Variants in USP6 observed in about 807,000 individuals in gnomAD.
USP6 encodes ubiquitin carboxyl-terminal hydrolase 6.
USP6 carries 128 observed loss-of-function variants against 175.7 expected under a neutral mutation model. The observed-to-expected ratio is 0.73, with a 90% CI of 0.63 to 0.84. The LOEUF is 0.84. Among genes scored for constraint, USP6 ranks in the 40% least tolerant of loss-of-function variants. The probability of loss-of-function intolerance (pLI) is 0.00; values close to 1 mark genes in which losing one functional copy is unlikely to be tolerated. For missense variants in USP6, 1,498 were observed against 1,760.3 expected, an observed-to-expected ratio of 0.85 and a Z score of 2.67; for synonymous variants, 562 against 630.6, an observed-to-expected ratio of 0.89 and a Z score of 1.63.
At position 5,157,644 on chromosome 17, in the gene USP6, G is replaced by A. The variant is rs115986223; in HGVS notation, c.2828+2038G>A. Among the ~76,000 whole-genome samples, 1,124 of 151,918 alleles carry A rather than the reference G, an allele frequency of 7.4e-3. 20 individuals carry two copies. The highest frequency in any genetic ancestry group is 0.025 in the African/African-American group (1,039 of 41,452). Reference sequence around the variant, plus strand: ...GGCTGACTTCTTTTTTCTGGTTGGCGGGGGGCGGGATGGAGTCTTGCTCTG... The same window carrying A: ...GGCTGACTTCTTTTTTCTGGTTGGCAGGGGGCGGGATGGAGTCTTGCTCTG... On this transcript the variant is annotated intron_variant, in intron 31 of 37. Transcript: ENST00000574788.
At chr17:5,166,657 G>A (rs931431565) in intron 33 of USP6, among the ~76,000 whole-genome samples, 18 of 152,150 alleles carry the variant, frequency 1.2e-4, no homozygotes, top group Admixed American at 6.5e-5. Context: ...CTTAACGGTA[G>A]CATTCATAAC....
Position 5,130,341 on chromosome 17 carries a change from A to G in USP6, c.-1-26A>G, listed in dbSNP as rs772620854. The G allele has an allele frequency of 3.7e-6, 6 of 1,613,396 alleles. No individual in the cohort carries two copies. The Admixed American group carries it at 1.0e-4, about 27-fold the overall frequency. ...TCTCCGAAGCTGTCGGGTACAGTGT[A>G]ACCTTTAGACAATTTTGTCTCACAG... On this transcript the variant is annotated intron_variant, in intron 9 of 37. Transcript: ENST00000574788.
chr17:5,121,344 T>C (rs778124247), intron 3 of USP6, 31 bp from the exon 4 acceptor site: 10 of 343,668 alleles, frequency 2.9e-5, no homozygotes, highest in Non-Finnish European at 5.7e-5. Flanking sequence ...GAAAATCTCC[T>C]GAAACCCCTG....
intron 35 of USP6, 69 bp downstream of exon 35, chr17:5,169,124 T>A: frequency 6.8e-7 from 1 of 1,472,664 alleles, no homozygotes; most frequent in East Asian, 2.4e-5. Context: ...TTCTCTGTCT[T>A]CTGTTCTGGA....
chr17:5,122,881 G>A (rs1212819226), intron 4 of USP6: 1 of 152,336 alleles, frequency 6.6e-6, no homozygotes. Flanking sequence ...GGAAGAACGC[G>A]ACGACGCGAG....
intron 16 of USP6, 81 bp downstream of exon 16, chr17:5,135,363 T>G (rs1227055244): frequency 1.9e-6 from 3 of 1,547,540 alleles, no homozygotes; most frequent in African/African-American, 2.7e-5. Context: ...TGTCGTTGCT[T>G]CTTTTAAAGT....
At chr17:5,134,227 A>G (rs1168252058) in intron 15 of USP6, 3 of 543,400 alleles carry the variant, frequency 5.5e-6, no homozygotes, top group Non-Finnish European at 1.0e-5. Context: ...GGAGACAGAA[A>G]ACAGCAAAGA....
At position 5,116,333 on chromosome 17, in the gene USP6, C is replaced by T. The variant is rs548037104; in HGVS notation, c.-2335C>T. On this transcript the variant is annotated 5_prime_UTR_variant, in exon 1 of 38. Coordinates refer to ENST00000574788, the MANE Select transcript of USP6 (RefSeq NM_001304284.2). ...GCTCCCGGCGGCCCGCCTCACCACT[C>T]CCGGCTTCCCGGGGCTTAGGCCCGC... 5.2e-5 allele frequency: 8 copies of T among 153,174 alleles called. No homozygotes were observed. The highest frequency in any genetic ancestry group is 1.7e-4 in the African/African-American group (7 of 41,606). The allele number at this position is 153,174 out of a possible 1,614,324, so 9.5% of individuals were successfully genotyped here. A position where few individuals can be genotyped will look rare whatever the true frequency, so the allele number is the denominator to read the frequency against.
At chr17:5,147,573 C>T (rs1283867922) in intron 29 of USP6, among the ~76,000 whole-genome samples, 1 of 152,140 alleles carries the variant, frequency 6.6e-6, no homozygotes, top group Non-Finnish European at 1.5e-5. Context: ...AGTCTTTTAG[C>T]CACTAGTATG....
At position 5,133,036 on chromosome 17, in the gene USP6, CAG is replaced by C. The variant is rs556417303; in HGVS notation, c.276+47_276+48del. On this transcript the variant is annotated intron_variant, in intron 13 of 37. Transcript: ENST00000574788. ...CCCCTGGAAGCACTCTCTGCAGAAA[CAG>C]GGGACAGGCACCCATGGCTGTGGCC... The C allele has an allele frequency of 3.2e-4, 515 of 1,600,246 alleles. 2 individuals carry two copies. In the African/African-American group the frequency reaches 5.3e-3, roughly 16 times the overall value.
At position 5,142,645 on chromosome 17, in the gene USP6, CT is replaced by C. The variant is rs2073482190; in HGVS notation, c.1818+147del. ...CTTGGTATAAACAAGAGGCCAAATT[CT>C]TTTGCTTGTTTAAATATTTGCAAAA... On this transcript the variant is annotated intron_variant, in intron 25 of 37. Coordinates refer to ENST00000574788, the MANE Select transcript of USP6 (RefSeq NM_001304284.2). The C allele has an allele frequency of 5.4e-5, 72 of 1,339,808 alleles. No homozygotes were observed. In the South Asian group the frequency reaches 1.0e-3, roughly 19 times the overall value. 83.0% of individuals were successfully genotyped at this position (1,339,808 alleles called of 1,614,324 possible). A position where few individuals can be genotyped will look rare whatever the true frequency, so the allele number is the denominator to read the frequency against.
At chr17:5,121,993 G>A (rs1334598854) in intron 4 of USP6, among the ~76,000 whole-genome samples, 2 of 152,094 alleles carry the variant, frequency 1.3e-5, no homozygotes, top group East Asian at 1.9e-4. Flanking sequence ...GAGCTGAAGA[G>A]GGGAATGAAC....
At chr17:5,147,288 T>C in intron 29 of USP6, 94 bp downstream of exon 29, 1 of 1,341,854 alleles carries the variant, frequency 7.5e-7, no homozygotes, top group Non-Finnish European at 1.0e-6. Flanking sequence ...GCTGAGGATG[T>C]TATAGCAGAA....
At chr17:5,121,300 A>C in intron 3 of USP6, 75 bp from the exon 4 acceptor site, 1 of 354,080 alleles carries the variant, frequency 2.8e-6, no homozygotes, top group South Asian at 2.2e-5. Context: ...GGGCTAGGAT[A>C]TGGTTCTCAG....
chr17:5,124,690 CA>C lies in USP6; in HGVS notation c.-1173del, dbSNP rs1450808170. 1 of 152,236 alleles carries C rather than the reference CA, an allele frequency of 6.6e-6. No individual in the cohort carries two copies. The highest frequency in any genetic ancestry group is 2.4e-5 in the African/African-American group (1 of 41,422). 9.4% of individuals were successfully genotyped at this position (152,236 alleles called of 1,614,324 possible). Reference sequence around the variant, plus strand: ...ATCTTGGACTGACACTCATGACCTCCAGTACTGTGAGACAGTAACATTCTGT... The same window carrying C: ...ATCTTGGACTGACACTCATGACCTCCGTACTGTGAGACAGTAACATTCTGT... On this transcript the variant is annotated 5_prime_UTR_variant, in exon 5 of 38. An upstream open reading frame in the 5' UTR gains an earlier in-frame stop. Coordinates refer to ENST00000574788, the MANE Select transcript of USP6 (RefSeq NM_001304284.2).
Position 5,132,792 on chromosome 17 carries a change from C to A in USP6, c.196-118C>A. 7.7e-7 allele frequency: 1 copy of A among 1,291,780 alleles called. No homozygotes were observed. Among genetic ancestry groups the A allele is most frequent in the Non-Finnish European group, 1.1e-6 (1 of 890,822 alleles). 80.0% of individuals were successfully genotyped at this position (1,291,780 alleles called of 1,614,324 possible). A position where few individuals can be genotyped will look rare whatever the true frequency, so the allele number is the denominator to read the frequency against. On this transcript the variant is annotated intron_variant, in intron 12 of 37. Coordinates refer to ENST00000574788, the MANE Select transcript of USP6 (RefSeq NM_001304284.2). This position sits in a 1 kb window ranked among gnomAD's most constrained non-coding sequence, Gnocchi z 4.7. Reference sequence around the variant, plus strand: ...AGGCTCTCAGCCCTTAGGGTCTGCCCTTCCCTGGCTCCTTCCAGTTGGGTC... The same window carrying A: ...AGGCTCTCAGCCCTTAGGGTCTGCCATTCCCTGGCTCCTTCCAGTTGGGTC...
At chr17:5,155,071 A>G (rs554065089) in intron 30 of USP6, among the ~76,000 whole-genome samples, 7 of 152,338 alleles carry the variant, frequency 4.6e-5, no homozygotes, top group East Asian at 1.9e-4. Context: ...AAGAGTCTCA[A>G]TTGTTTAAAA....
rs370511206 is a variant in USP6 at position 5,168,990 on chromosome 17, A to T, written c.3452A>T (p.Lys1151Ile). Residue 1151 changes from lysine (K) to isoleucine (I), a missense_variant, in exon 35 of 38, where the codon AAA (lysine) becomes ATA (isoleucine). Physicochemically the swap from Lys to Ile is moderately radical, Grantham distance 102. Transcript: ENST00000574788. ...KKVDAQSSAG[K>I]EDMLLSKSPS... is the part of the protein sequence containing the mutation. ...GTGGATGCGCAGAGTTCGGCTGGAA[A>T]AGAGGACATGCTCCTAAGCAAAAGC... 33 of 1,613,906 alleles carry T rather than the reference A, an allele frequency of 2.0e-5. No homozygotes were observed. Among genetic ancestry groups the T allele is most frequent in the Non-Finnish European group, 2.8e-5 (33 of 1,179,884 alleles).
At chr17:5,157,892 G>A (rs542397924) in intron 31 of USP6, among the ~76,000 whole-genome samples, 1 of 152,230 alleles carries the variant, frequency 6.6e-6, no homozygotes, top group Non-Finnish European at 1.5e-5. Context: ...TCCCGAAGTG[G>A]TGGAATTACA....
Sources: allele counts gnomAD v4.1 joint callset (sites outside exome capture counted in the v4.1 genomes callset), GRCh38; gene constraint gnomAD v4.1.1; non-coding constraint Gnocchi (gnomAD v3.1); transcripts MANE v1.5; gene names NCBI Gene and HGNC (gene_info 2026-07-23, HGNC 2026-07-21).